PPP1R1C: variants seen among roughly 807,000 people sequenced by gnomAD.
PPP1R1C encodes the protein protein phosphatase 1 regulatory inhibitor subunit 1C.
In PPP1R1C, 15 loss-of-function variants were observed where a neutral mutation model predicts 17.4. The ratio of observed to expected loss-of-function variants is 0.86; its 90% CI spans 0.58 to 1.33. The LOEUF is 1.33. Ranked by LOEUF, PPP1R1C falls within the 40% of genes most tolerant of loss-of-function variation. The pLI, the probability that PPP1R1C is intolerant of heterozygous loss-of-function variation, is 0.00. For synonymous variants in PPP1R1C, 35 were observed against 43.1 expected (o/e 0.81, Z 0.73); for missense variants, 143 against 130.0 (o/e 1.10, Z -0.48).
intron 4 of PPP1R1C, among the ~76,000 whole-genome samples, chr2:182,106,411 C>T (rs4666575): frequency 0.031 from 4,712 of 152,284 alleles, 221 homozygotes; most frequent in Admixed American, 0.13. Flanking sequence ...CACCAGCAGA[C>T]GCTGTCAGGA....
intron 2 of PPP1R1C, among the ~76,000 whole-genome samples, chr2:182,015,509 A>G (rs1686236883): frequency 6.6e-6 from 1 of 152,112 alleles, no homozygotes; most frequent in Non-Finnish European, 1.5e-5. Flanking sequence ...AGCTGAGATT[A>G]TGTTGGGTCA....
At chr2:182,042,953 A>T (rs1205256985) in intron 2 of PPP1R1C, among the ~76,000 whole-genome samples, 1 of 152,226 alleles carries the variant, frequency 6.6e-6, no homozygotes. Flanking sequence ...CTACAATAAG[A>T]ATCCTTAAAA....
At chr2:182,082,509 A>G (rs1688509828) in intron 4 of PPP1R1C, among the ~76,000 whole-genome samples, 1 of 152,128 alleles carries the variant, frequency 6.6e-6, no homozygotes, top group Non-Finnish European at 1.5e-5. Flanking sequence ...CTGGTAAGAC[A>G]GCCTTGGTCA....
intron 2 of PPP1R1C, among the ~76,000 whole-genome samples, chr2:182,008,277 C>A (rs959436076): frequency 6.6e-6 from 1 of 151,874 alleles, no homozygotes; most frequent in Non-Finnish European, 1.5e-5. Flanking sequence ...TTCAAAGGAC[C>A]CTTCCATCTT....
intron 4 of PPP1R1C, among the ~76,000 whole-genome samples, chr2:182,066,977 T>A (rs1017329274): frequency 1.3e-4 from 20 of 151,958 alleles, no homozygotes; most frequent in Admixed American, 1.2e-3. Context: ...TTTGTGTGTG[T>A]GTGTGTGTGT....
At chr2:182,110,801 A>G (rs970100550) in intron 4 of PPP1R1C, among the ~76,000 whole-genome samples, 2 of 152,042 alleles carry the variant, frequency 1.3e-5, no homozygotes, top group Non-Finnish European at 2.9e-5. Context: ...CAGGCTAGGG[A>G]GCCATTCTGT....
At chr2:182,094,663 C>G (rs2125223480) in intron 4 of PPP1R1C, among the ~76,000 whole-genome samples, 1 of 152,220 alleles carries the variant, frequency 6.6e-6, no homozygotes, top group South Asian at 2.1e-4. Context: ...TACGATTTTG[C>G]CCAACTGTAG....
intron 5 of PPP1R1C, among the ~76,000 whole-genome samples, chr2:182,127,667 G>T (rs948406263): frequency 2.0e-5 from 3 of 152,032 alleles, no homozygotes; most frequent in Non-Finnish European, 4.4e-5. Context: ...CTAATGTCTC[G>T]TAGGCCAGAA....
intron 1 of PPP1R1C, 109 bp from the exon 2 acceptor site, chr2:181,987,730 C>A: frequency 1.8e-6 from 2 of 1,089,428 alleles, no homozygotes; most frequent in Non-Finnish European, 2.7e-6. Context: ...CAGAAATTTG[C>A]TTTTGCATGT....
intron 4 of PPP1R1C, among the ~76,000 whole-genome samples, chr2:182,105,492 G>C (rs1181878409): frequency 6.6e-6 from 1 of 151,786 alleles, no homozygotes; most frequent in Non-Finnish European, 1.5e-5. Flanking sequence ...AAGAGAGAAG[G>C]GCAAAGGTGT....
rs1016617287 is a variant in PPP1R1C, at chr2:182,048,292, A to G, written c.143-13150A>G. Among the ~76,000 whole-genome samples, 34 of 152,292 alleles carry G rather than the reference A, an allele frequency of 2.2e-4. 1 individual carries two copies. The highest frequency in any genetic ancestry group is 7.9e-4 in the African/African-American group (33 of 41,558). ...AAAAACACAACTGAAACCACTACCT[A>G]GTGGCTTAACGTGAAGCCCCAAATG... is the stretch of plus-strand genomic sequence containing the variant. On this transcript the variant is annotated intron_variant, in intron 2 of 4. Transcript: ENST00000682840.
Position 181,985,943 on chromosome 2 carries a change from G to A in PPP1R1C, c.-168G>A, listed in dbSNP as rs1685283919. 2 of 627,266 alleles carry A rather than the reference G, an allele frequency of 3.2e-6. No homozygotes were observed. Among genetic ancestry groups the A allele is most frequent in the Non-Finnish European group, 5.7e-6 (2 of 351,286 alleles). 38.9% of individuals were successfully genotyped at this position (627,266 alleles called of 1,614,324 possible). A position where few individuals can be genotyped will look rare whatever the true frequency, so the allele number is the denominator to read the frequency against. On this transcript the variant is annotated 5_prime_UTR_variant, in exon 1 of 5. Transcript: ENST00000682840. The surrounding 1 kb of genome is among the most constrained non-coding windows in gnomAD (Gnocchi z 4.1). ...ATCACCGTGGATGTTGAAGAAGGGGGTTACTCAAACCTCGGCATCTTCACT... is the reference window on the plus strand; with the variant it reads ...ATCACCGTGGATGTTGAAGAAGGGGATTACTCAAACCTCGGCATCTTCACT...
At chr2:181,966,831 T>C (rs1684913060) in intron 1 of PPP1R1C, among the ~76,000 whole-genome samples, 1 of 152,246 alleles carries the variant, frequency 6.6e-6, no homozygotes, top group South Asian at 2.1e-4. Context: ...AGAATGAGTT[T>C]GGAAGTATTT....
upstream of PPP1R1C, among the ~76,000 whole-genome samples, chr2:181,983,341 T>C (rs1685226969): frequency 6.6e-6 from 1 of 152,210 alleles, no homozygotes; most frequent in African/African-American, 2.4e-5. Context: ...TACCTAATTT[T>C]AAATTGAGGA....
chr2:182,068,646 T>TCA (rs1367110601), intron 4 of PPP1R1C, among the ~76,000 whole-genome samples: 3 of 152,186 alleles, frequency 2.0e-5, no homozygotes, highest in Non-Finnish European at 4.4e-5. Flanking sequence ...TCCTCAGACA[T>TCA]CATGTCCTTT....
At chr2:182,057,301 A>C (rs1052914390) in intron 2 of PPP1R1C, among the ~76,000 whole-genome samples, 8 of 152,170 alleles carry the variant, frequency 5.3e-5, no homozygotes, top group Non-Finnish European at 1.5e-5. Context: ...AGACAGGAGT[A>C]AAGGAAGTGC....
At chr2:182,062,740 G>C (rs1345801509) in intron 3 of PPP1R1C, among the ~76,000 whole-genome samples, 1 of 152,062 alleles carries the variant, frequency 6.6e-6, no homozygotes, top group Non-Finnish European at 1.5e-5. Context: ...GAGGCCTCAA[G>C]CTCTATTTAC....
At chr2:182,074,677 C>T (rs1688242310) in intron 4 of PPP1R1C, among the ~76,000 whole-genome samples, 1 of 152,026 alleles carries the variant, frequency 6.6e-6, no homozygotes, top group South Asian at 2.1e-4. Flanking sequence ...ATATTCTTGC[C>T]TGAACTTCAA....
intron 4 of PPP1R1C, among the ~76,000 whole-genome samples, chr2:182,073,226 T>C (rs1450235040): frequency 1.3e-5 from 2 of 152,242 alleles, no homozygotes; most frequent in Non-Finnish European, 2.9e-5. Flanking sequence ...GTGATATCTG[T>C]AATTCCTTCT....
Sources: allele counts gnomAD v4.1 joint callset (sites outside exome capture counted in the v4.1 genomes callset), GRCh38; gene constraint gnomAD v4.1.1; non-coding constraint Gnocchi (gnomAD v3.1); transcripts MANE v1.5; gene names NCBI Gene and HGNC (gene_info 2026-07-23, HGNC 2026-07-21).